TTC17: variants seen among roughly 807,000 people sequenced by gnomAD.
TTC17 encodes the protein tetratricopeptide repeat domain 17, also known as tetratricopeptide repeat protein 17.
TTC17 carries 58 observed loss-of-function variants against 143.8 expected under a neutral mutation model. That is an observed-to-expected ratio of 0.40 (90% CI 0.33 to 0.50). TTC17 has a LOEUF of 0.50. Among genes scored for constraint, TTC17 ranks in the 20% least tolerant of loss-of-function variants. The pLI, the probability that TTC17 is intolerant of heterozygous loss-of-function variation, is 0.49. For missense variants in TTC17, 1,273 were observed against 1,392.5 expected (o/e 0.91, Z 1.37); for synonymous variants, 501 against 497.8 (o/e 1.01, Z -0.09).
chr11:43,426,179 A>G (rs1947023095), intron 16 of TTC17, among the ~76,000 whole-genome samples: 1 of 152,242 alleles, frequency 6.6e-6, no homozygotes, highest in African/African-American at 2.4e-5. Flanking sequence ...AGAAAAACCT[A>G]ATATGAACAA....
rs1554988701 is a variant in TTC17 at position 43,403,957 on chromosome 11, T to A, written c.1333-41T>A. 5 of 1,538,738 alleles carry A rather than the reference T, an allele frequency of 3.2e-6. No homozygotes were observed. In the South Asian group the frequency reaches 6.3e-5, roughly 19 times the overall value. On this transcript the variant is annotated intron_variant, in intron 10 of 23. Transcript: ENST00000039989. ...GTTAAATTATAATCACAACTCCTTT[T>A]CCACTTTCAATTTGATTGAACTTTT... is the stretch of plus-strand genomic sequence containing the variant.
chr11:43,477,384 G>C (rs1948204405), intron 21 of TTC17, among the ~76,000 whole-genome samples: 1 of 152,156 alleles, frequency 6.6e-6, no homozygotes, highest in Non-Finnish European at 1.5e-5. Context: ...CACTCTGCTA[G>C]TACCAATTTA....
chr11:43,418,099 C>T (rs2134635060), intron 16 of TTC17, among the ~76,000 whole-genome samples: 1 of 152,268 alleles, frequency 6.6e-6, no homozygotes, highest in Non-Finnish European at 1.5e-5. Context: ...AATCACTATG[C>T]TAAAAAAATT....
intron 16 of TTC17, among the ~76,000 whole-genome samples, chr11:43,426,657 T>C (rs1409921827): frequency 3.0e-4 from 45 of 152,228 alleles, no homozygotes; most frequent in Admixed American, 2.9e-3. Flanking sequence ...TTCCTAGTGC[T>C]TGATCTTTTT....
Position 43,448,092 on chromosome 11 carries a change from C to A in TTC17, c.2756C>A (p.Thr919Asn), listed in dbSNP as rs1947585083. The change falls in exon 19 of 24, where the codon ACC becomes AAC. Residue 919 changes from threonine (T) to asparagine (N), a missense_variant. Coordinates refer to ENST00000039989, the MANE Select transcript of TTC17 (RefSeq NM_018259.6). ...RWVELTAIVS[T>N]WLAVSSKNID... is the part of the protein sequence containing the mutation. ...GTAGAGCTGACTGCCATCGTGAGTA[C>A]CTGGCTTGCAGTTTCTTCAAAAAAC... is the stretch of plus-strand genomic sequence containing the variant. 1.2e-6 allele frequency: 2 copies of A among 1,614,010 alleles called. No homozygotes were observed. The highest frequency in any genetic ancestry group is 1.3e-5 in the African/African-American group (1 of 74,928).
chr11:43,409,441 A>T (rs575417532), intron 15 of TTC17, among the ~76,000 whole-genome samples: 1 of 152,354 alleles, frequency 6.6e-6, no homozygotes, highest in South Asian at 2.1e-4. Flanking sequence ...ATAAGGTCTA[A>T]AAATATTAAT....
At chr11:43,409,199 A>G (rs1858287845) in intron 15 of TTC17, among the ~76,000 whole-genome samples, 1 of 152,184 alleles carries the variant, frequency 6.6e-6, no homozygotes, top group African/African-American at 2.4e-5. Flanking sequence ...CCTCAATTTA[A>G]ATGGTTGTAT....
intron 10 of TTC17, among the ~76,000 whole-genome samples, chr11:43,401,832 G>A (rs893942940): frequency 1.3e-5 from 2 of 151,724 alleles, no homozygotes; most frequent in African/African-American, 4.8e-5. Flanking sequence ...ATATAAATTG[G>A]CCAGGTATGG....
intron 1 of TTC17, among the ~76,000 whole-genome samples, chr11:43,371,958 GT>G (rs1482229459): frequency 6.6e-6 from 1 of 152,172 alleles, no homozygotes; most frequent in Non-Finnish European, 1.5e-5. Flanking sequence ...TGTAGTCCCA[GT>G]TACTCCGGAG....
At position 43,450,236 on chromosome 11, in the gene TTC17, A is replaced by G. The variant is rs1295643322; in HGVS notation, c.2941A>G (p.Thr981Ala). 1 of 1,613,178 alleles carries G rather than the reference A, an allele frequency of 6.2e-7. No individual in the cohort carries two copies. The highest frequency in any genetic ancestry group is 8.5e-7 in the Non-Finnish European group (1 of 1,179,648). ...GCACTACACAGGGGAGAGTCAGTTA[A>G]CAGAGGTGAGTGCTCGGCTTTGTTC... ...SLHYTGESQL[T>A]EVLQNLGKDQ... The change falls in exon 20 of 24, where the codon ACA (threonine) becomes GCA (alanine). Residue 981 changes from threonine to alanine, a missense_variant. By Grantham distance (58) the Thr-to-Ala change is moderately conservative. This residue lies in a region of TTC17 where 878 missense variants were observed against 899.8 expected (regional missense o/e 0.98). Coordinates refer to ENST00000039989, the MANE Select transcript of TTC17 (RefSeq NM_018259.6).
rs1430963513 is a variant in TTC17, at chr11:43,391,342, T to C, written c.420-123T>C. ...TGAGACTAGGAGATCAAGGCTGCAG[T>C]GAGCTGTGATCATGCCACTGCACTC... is the stretch of plus-strand genomic sequence containing the variant. On this transcript the variant is annotated intron_variant, in intron 3 of 23. Coordinates refer to ENST00000039989, the MANE Select transcript of TTC17 (RefSeq NM_018259.6). 1.1e-5 allele frequency: 7 copies of C among 648,910 alleles called. No homozygotes were observed. In the African/African-American group the frequency reaches 1.1e-4, roughly 11 times the overall value. 40.2% of individuals were successfully genotyped at this position (648,910 alleles called of 1,614,324 possible). A position where few individuals can be genotyped will look rare whatever the true frequency, so the allele number is the denominator to read the frequency against.
At chr11:43,378,669 C>A (rs1237305705) in intron 1 of TTC17, among the ~76,000 whole-genome samples, 1 of 152,166 alleles carries the variant, frequency 6.6e-6, no homozygotes, top group Non-Finnish European at 1.5e-5. Context: ...CATTTATAAG[C>A]CAGCTACCAG....
chr11:43,453,350 G>A (rs908924541), intron 21 of TTC17, among the ~76,000 whole-genome samples: 1 of 151,586 alleles, frequency 6.6e-6, no homozygotes, highest in Non-Finnish European at 1.5e-5. Context: ...AGTGCTTATT[G>A]AAGCAAAATT....
At chr11:43,444,303 A>T in intron 18 of TTC17, 94 bp downstream of exon 18, 3 of 1,326,340 alleles carry the variant, frequency 2.3e-6, no homozygotes, top group Non-Finnish European at 3.0e-6. Flanking sequence ...AATAGTTCAG[A>T]TGAGATGATA....
At chr11:43,360,536 G>A (rs2134420091) in intron 1 of TTC17, among the ~76,000 whole-genome samples, 1 of 152,156 alleles carries the variant, frequency 6.6e-6, no homozygotes, top group African/African-American at 2.4e-5. Context: ...TCTCCTGTTG[G>A]CTCTTCTGCA....
chr11:43,494,070 G>C lies in TTC17; in HGVS notation c.*166G>C. 4.8e-6 allele frequency: 5 copies of C among 1,044,756 alleles called. No individual in the cohort carries two copies. In the South Asian group the frequency reaches 1.1e-4, roughly 22 times the overall value. The allele number at this position is 1,044,756 out of a possible 1,614,324, so 64.7% of individuals were successfully genotyped here. ...GGAATTGGTTTGTTTTTGTTTTTAC[G>C]TTTCTCCTTTCCCCCAACCAACCTC... On this transcript the variant is annotated 3_prime_UTR_variant, in exon 24 of 24. Coordinates refer to ENST00000039989, the MANE Select transcript of TTC17 (RefSeq NM_018259.6).
intron 21 of TTC17, among the ~76,000 whole-genome samples, chr11:43,487,776 C>G (rs1036270201): frequency 6.6e-6 from 1 of 152,200 alleles, no homozygotes; most frequent in South Asian, 2.1e-4. Context: ...GGGCTGGAAG[C>G]CTGAGATCAA....
chr11:43,442,122 C>T (rs375866062), intron 16 of TTC17, among the ~76,000 whole-genome samples: 15 of 152,224 alleles, frequency 9.9e-5, no homozygotes, highest in East Asian at 3.9e-4. Context: ...ACTGCAATAC[C>T]GTAGGCAAGC....
Position 43,448,058 on chromosome 11 carries a change from C to T in TTC17, c.2722C>T (p.Leu908Phe). The T allele has an allele frequency of 6.2e-7, 1 of 1,614,188 alleles. No individual in the cohort carries two copies. The highest frequency in any genetic ancestry group is 8.5e-7 in the Non-Finnish European group (1 of 1,180,008). ...GCCCAGCCCGGACGAATGCCTCAAA[C>T]TCCGCTGGGTAGAGCTGACTGCCAT... ...GWPSPDECLK[L>F]RWVELTAIVS... is the part of the protein sequence containing the mutation. Residue 908 changes from leucine (L) to phenylalanine (F), a missense_variant, in exon 19 of 24, where the codon CTC becomes TTC. Physicochemically the swap from Leu to Phe is conservative, Grantham distance 22. This residue lies in a region of TTC17 where 878 missense variants were observed against 899.8 expected (regional missense o/e 0.98). Transcript: ENST00000039989.
Sources: gnomAD v4.1 joint callset for allele counts (sites outside exome capture counted in the v4.1 genomes callset) on GRCh38, gnomAD v4.1.1 for gene constraint, gnomAD v4.1.1 regional missense constraint, MANE v1.5 for transcripts, NCBI Gene and HGNC (gene_info 2026-07-23, HGNC 2026-07-21) for gene names.